The following ABI3BP variants were observed in gnomAD, a reference collection of about 807,000 sequenced individuals.
ABI3BP encodes the protein ABI family member 3 binding protein, also known as target of Nesh-SH3.
ABI3BP carries 216 observed loss-of-function variants against 268.6 expected under a neutral mutation model. The ratio of observed to expected loss-of-function variants is 0.80; its 90% CI spans 0.72 to 0.90. ABI3BP has a LOEUF of 0.90. ABI3BP is among the 40% of genes least tolerant of loss of function. The pLI is 0.00. For synonymous variants in ABI3BP, 730 were observed against 730.0 expected (o/e 1.00, Z 0.00); for missense variants, 2,090 against 2,182.4 (o/e 0.96, Z 0.84).
chr3:100,886,410 A>G (rs566537010), intron 4 of ABI3BP, 87 bp from the exon 5 acceptor site: 3 of 1,037,692 alleles, frequency 2.9e-6, no homozygotes, highest in East Asian at 3.0e-5. Flanking sequence ...ACAGATTTCA[A>G]CCAACTTGGG....
intron 51 of ABI3BP, 23 bp downstream of exon 51, chr3:100,804,769 T>G: frequency 1.1e-5 from 18 of 1,608,886 alleles, no homozygotes; most frequent in Non-Finnish European, 1.5e-5. Context: ...GCATTTGGCT[T>G]AAACATGAAA....
chr3:100,819,521 C>T (rs752884085), intron 40 of ABI3BP, among the ~76,000 whole-genome samples: 1 of 152,078 alleles, frequency 6.6e-6, no homozygotes, highest in Non-Finnish European at 1.5e-5. Context: ...AAGCTTCCTC[C>T]TCCTGTGATA....
At chr3:100,868,815 T>C (rs1469384475) in intron 9 of ABI3BP, among the ~76,000 whole-genome samples, 7 of 152,180 alleles carry the variant, frequency 4.6e-5, no homozygotes, top group African/African-American at 1.7e-4. Flanking sequence ...AAATCTAGCA[T>C]AATTTTATGA....
At position 100,768,123 on chromosome 3, in the gene ABI3BP, C is replaced by A. The variant is rs2096378007; in HGVS notation, c.4742-2174G>T. ...TTTTTTTGAGACGGAGTCTCACACTCTGTCGCCTAGGCTGGAGTGCAGTGA... is the reference window on the plus strand; with the variant it reads ...TTTTTTTGAGACGGAGTCTCACACTATGTCGCCTAGGCTGGAGTGCAGTGA... On this transcript the variant is annotated intron_variant, in intron 62 of 67. Transcript: ENST00000471714. Among the ~76,000 whole-genome samples, 6 of 137,092 alleles carry A rather than the reference C, an allele frequency of 4.4e-5. No individual in the cohort carries two copies. The South Asian group carries it at 1.4e-3, about 33-fold the overall frequency. The allele number at this position is 137,092 out of a possible 152,430, so 89.9% of individuals were successfully genotyped here.
intron 1 of ABI3BP, among the ~76,000 whole-genome samples, chr3:100,951,032 G>T (rs2074748670): frequency 6.6e-6 from 1 of 151,862 alleles, no homozygotes; most frequent in East Asian, 1.9e-4. Flanking sequence ...CTGCTCACCG[G>T]AGAGTAACAA....
At chr3:100,767,688 G>A (rs1472413575) in intron 62 of ABI3BP, among the ~76,000 whole-genome samples, 1 of 151,994 alleles carries the variant, frequency 6.6e-6, no homozygotes, top group African/African-American at 2.4e-5. Flanking sequence ...TCCCATCCGT[G>A]GAAGGTTAAT....
rs1246374625 is a variant in ABI3BP at position 100,808,239 on chromosome 3, A to T, written c.3608-4T>A. ...GCACGTGGTGTCTGCTTGGGAGCTA[A>T]AAGAAAGGATATAGGTTCGGAAATC... On this transcript the variant is annotated splice_polypyrimidine_tract_variant and splice_region_variant and intron_variant, in intron 49 of 67. Coordinates refer to ENST00000471714, the MANE Select transcript of ABI3BP (RefSeq NM_001375547.2). 14 of 1,606,082 alleles carry T rather than the reference A, an allele frequency of 8.7e-6. No individual in the cohort carries two copies. Among genetic ancestry groups the T allele is most frequent in the Non-Finnish European group, 1.1e-5 (13 of 1,176,134 alleles).
intron 2 of ABI3BP, among the ~76,000 whole-genome samples, chr3:100,903,442 C>T (rs1449376361): frequency 5.3e-5 from 8 of 152,088 alleles, no homozygotes; most frequent in Non-Finnish European, 1.2e-4. Flanking sequence ...TGTAAATAAA[C>T]CAAATATATT....
intron 10 of ABI3BP, 135 bp from the exon 11 acceptor site, chr3:100,865,042 A>C (rs886909383): frequency 1.4e-6 from 1 of 705,578 alleles, no homozygotes; most frequent in Non-Finnish European, 2.4e-6. Context: ...TACTATGTAA[A>C]GAGCTCCTTG....
intron 1 of ABI3BP, among the ~76,000 whole-genome samples, chr3:100,966,517 C>T (rs192670271): frequency 3.9e-5 from 6 of 152,234 alleles, no homozygotes; most frequent in Admixed American, 3.3e-4. Flanking sequence ...ATTTTGCTGA[C>T]CCCTGCTTGA....
At chr3:100,842,660 A>G (rs2098720133) in intron 20 of ABI3BP, among the ~76,000 whole-genome samples, 1 of 152,218 alleles carries the variant, frequency 6.6e-6, no homozygotes, top group South Asian at 2.1e-4. Flanking sequence ...AAGATGCTAA[A>G]TTAAATAACA....
chr3:100,753,906 T>A (rs1021231011), intron 64 of ABI3BP, 58 bp from the exon 65 acceptor site: 6 of 1,538,130 alleles, frequency 3.9e-6, no homozygotes, highest in Non-Finnish European at 5.3e-6. Context: ...AACATTCCAG[T>A]GGCATGGTGA....
rs369383188 is a variant in ABI3BP at position 100,885,779 on chromosome 3, G to C, written c.644-191C>G. On this transcript the variant is annotated intron_variant, in intron 5 of 67. Transcript: ENST00000471714. The stretch of plus-strand genomic sequence containing the variant: ...GACTGGAAGAAAGCTCAAGGTTCCC[G>C]AAAGTCTTTTTATGGGCATCTCTAC... Among the ~76,000 whole-genome samples the C allele has an allele frequency of 2.5e-4, 38 of 152,080 alleles. No individual in the cohort carries two copies. In the East Asian group the frequency reaches 5.4e-3, roughly 22 times the overall value.
At chr3:100,926,266 T>G in intron 2 of ABI3BP, 36 bp downstream of exon 2, 1 of 1,606,294 alleles carries the variant, frequency 6.2e-7, no homozygotes, top group Admixed American at 1.7e-5. Flanking sequence ...ACCTCTTACC[T>G]CCTTTCCTTC....
At chr3:100,912,628 C>T (rs1583146568) in intron 2 of ABI3BP, among the ~76,000 whole-genome samples, 2 of 152,144 alleles carry the variant, frequency 1.3e-5, no homozygotes, top group South Asian at 4.2e-4. Flanking sequence ...TGCTCACAAG[C>T]CACATTTAGC....
intron 9 of ABI3BP, among the ~76,000 whole-genome samples, chr3:100,872,318 C>T (rs1458768509): frequency 3.9e-5 from 6 of 151,980 alleles, no homozygotes; most frequent in Non-Finnish European, 7.4e-5. Flanking sequence ...AAAGTAAAAA[C>T]GAATCACAAG....
At chr3:100,930,269 C>T (rs1224657729) in intron 1 of ABI3BP, among the ~76,000 whole-genome samples, 1 of 151,736 alleles carries the variant, frequency 6.6e-6, no homozygotes, top group East Asian at 1.9e-4. Context: ...TTTTATTGCA[C>T]CGTATATGAG....
At chr3:100,920,812 G>A (rs2059997108) in intron 2 of ABI3BP, among the ~76,000 whole-genome samples, 1 of 152,204 alleles carries the variant, frequency 6.6e-6, no homozygotes, top group African/African-American at 2.4e-5. Flanking sequence ...ATATAATTCA[G>A]ATAATTTAAA....
chr3:100,862,364 A>G lies in ABI3BP; in HGVS notation c.1232T>C (p.Ile411Thr). ...GTLASSEKPW[I>T]VPTAKISEDS... Reference sequence around the variant, plus strand: ...TTCAGATATTTTAGCTGTAGGCACAATCCATGGCTTTTCACTTGAAGCTAT... The same window carrying G: ...TTCAGATATTTTAGCTGTAGGCACAGTCCATGGCTTTTCACTTGAAGCTAT... The change falls in exon 14 of 68, where the codon ATT (isoleucine) becomes ACT (threonine). Residue 411 changes from isoleucine (I) to threonine (T), a missense_variant. Transcript: ENST00000471714. The G allele has an allele frequency of 6.9e-6, 11 of 1,601,300 alleles. No individual in the cohort carries two copies. Among genetic ancestry groups the G allele is most frequent in the Non-Finnish European group, 9.4e-6 (11 of 1,174,524 alleles).
Sources: allele counts gnomAD v4.1 joint callset (sites outside exome capture counted in the v4.1 genomes callset), GRCh38; gene constraint gnomAD v4.1.1; transcripts MANE v1.5; gene names NCBI Gene and HGNC (gene_info 2026-07-23, HGNC 2026-07-21).